FAM199X: variants seen among roughly 807,000 people sequenced by gnomAD.
FAM199X encodes the protein family with sequence similarity 199, X-linked, also known as protein FAM199X.
In FAM199X, 4 loss-of-function variants were observed where a neutral mutation model predicts 22.9. The ratio of observed to expected loss-of-function variants is 0.17; its 90% confidence interval spans 0.09 to 0.40. The LOEUF is 0.40. Among genes scored for constraint, FAM199X ranks in the 10% least tolerant of loss-of-function variants. The probability of loss-of-function intolerance (pLI) is 1.00; values close to 1 mark genes in which losing one functional copy is unlikely to be tolerated. For synonymous variants in FAM199X, 101 were observed against 112.3 expected (o/e 0.90, Z 0.64); for missense variants, 183 against 306.8 (o/e 0.60, Z 3.01).
chrX:104,185,395 A>G (rs1921774519), intron 2 of FAM199X, among the ~76,000 whole-genome samples: 1 of 111,211 alleles, frequency 9.0e-6, no homozygotes, highest in East Asian at 2.8e-4. Flanking sequence ...GGCCCTAGTC[A>G]TATTCTCATT....
chrX:104,164,229 G>A (rs1921100877), upstream of FAM199X, among the ~76,000 whole-genome samples: 1 of 111,787 alleles, frequency 8.9e-6, no homozygotes, highest in East Asian at 2.8e-4. Flanking sequence ...CTTGGCCTTC[G>A]GCTTGTAAGT....
chrX:104,186,309 A>G, intron 3 of FAM199X, 94 bp downstream of exon 3: 2 of 1,094,003 alleles, frequency 1.8e-6, no homozygotes, highest in Non-Finnish European at 2.4e-6. Context: ...GGAAATGTGG[A>G]TTGCTTAGTA....
upstream of FAM199X, among the ~76,000 whole-genome samples, chrX:104,164,387 C>G (rs1473173417): frequency 8.9e-6 from 1 of 112,215 alleles, no homozygotes; most frequent in Non-Finnish European, 1.9e-5. Flanking sequence ...TTATCTTATG[C>G]TAATTCATTG....
At chrX:104,157,890 G>A in the FAM199X span, among the ~76,000 whole-genome samples, 1 of 111,928 alleles carries the variant, frequency 8.9e-6, no homozygotes, top group South Asian at 3.7e-4. Context: ...CAGTTCTATG[G>A]ACCACGCACT....
chrX:104,179,766 A>G (rs782726575), intron 2 of FAM199X, among the ~76,000 whole-genome samples: 16 of 110,299 alleles, frequency 1.5e-4, no homozygotes, highest in African/African-American at 5.3e-4. Context: ...GTTTTTTAGT[A>G]TTTTGTTAAG....
At chrX:104,171,196 C>A (rs782584064) in intron 1 of FAM199X, among the ~76,000 whole-genome samples, 1 of 110,791 alleles carries the variant, frequency 9.0e-6, no homozygotes, top group Non-Finnish European at 1.9e-5. Context: ...TACCAAAATA[C>A]CATTGAAAGT....
upstream of FAM199X, among the ~76,000 whole-genome samples, chrX:104,165,302 T>C (rs1157775355): frequency 8.9e-6 from 1 of 112,339 alleles, no homozygotes; most frequent in African/African-American, 3.2e-5. Context: ...TTGGAGAAGC[T>C]GTTTTCACTA....
chrX:104,185,713 C>T (rs1556378927), intron 2 of FAM199X, among the ~76,000 whole-genome samples: 3 of 110,838 alleles, frequency 2.7e-5, no homozygotes, highest in South Asian at 3.9e-4. Flanking sequence ...CAGGTTCAAG[C>T]GATTCTCCTG....
chrX:104,183,047 CT>C (rs1921702858), intron 2 of FAM199X, among the ~76,000 whole-genome samples: 2 of 110,953 alleles, frequency 1.8e-5, no homozygotes. Context: ...CATTAATTAC[CT>C]TTTTTACACC....
chrX:104,188,422 G>C, intron 5 of FAM199X, 116 bp downstream of exon 5: 4 of 905,805 alleles, frequency 4.4e-6, no homozygotes, highest in Non-Finnish European at 4.7e-6. Context: ...GTGGGTTTTG[G>C]TCTTAATTGA....
intron 2 of FAM199X, among the ~76,000 whole-genome samples, chrX:104,178,041 C>T (rs1477459555): frequency 3.6e-5 from 4 of 112,080 alleles, no homozygotes; most frequent in Admixed American, 1.9e-4. Flanking sequence ...TCACCTGTTT[C>T]CTTCCCAGAC....
chrX:104,183,905 T>G (rs1921728665), intron 2 of FAM199X, among the ~76,000 whole-genome samples: 1 of 112,188 alleles, frequency 8.9e-6, no homozygotes, highest in African/African-American at 3.2e-5. Flanking sequence ...GGCCTCTCTC[T>G]TAGACAATTT....
intron 1 of FAM199X, among the ~76,000 whole-genome samples, chrX:104,174,274 C>T (rs1556375970): frequency 9.0e-6 from 1 of 111,018 alleles, no homozygotes; most frequent in Non-Finnish European, 1.9e-5. Context: ...TGCCACTGTA[C>T]TCCAGCCTCA....
intron 2 of FAM199X, among the ~76,000 whole-genome samples, chrX:104,180,515 A>G (rs993010088): frequency 9.0e-6 from 1 of 110,850 alleles, no homozygotes; most frequent in Non-Finnish European, 1.9e-5. Context: ...AGTAGTTAAG[A>G]GTGGAAAACC....
Position 104,186,497 on chromosome X carries a change from C to G in FAM199X, c.605C>G (p.Thr202Ser), listed in dbSNP as rs1556379173. 1 of 1,210,788 alleles carries G rather than the reference C, an allele frequency of 8.3e-7. No homozygotes were observed. Among genetic ancestry groups the G allele is most frequent in the South Asian group, 1.8e-5 (1 of 56,822 alleles). The change falls in exon 4 of 6, where the codon ACT becomes AGT. Residue 202 changes from threonine (T) to serine (S), a missense_variant. Coordinates refer to ENST00000493442, the MANE Select transcript of FAM199X (RefSeq NM_207318.4). ...GAGTATCTGAGTCGGAAAGTGAGTA[C>G]TGAGATGGGTCTTCGGGAGCAACTT... is the stretch of plus-strand genomic sequence containing the variant. ...YIEYLSRKVS[T>S]EMGLREQLDI...
At chrX:104,173,616 A>G (rs1921413876) in intron 1 of FAM199X, among the ~76,000 whole-genome samples, 1 of 112,325 alleles carries the variant, frequency 8.9e-6, no homozygotes, top group African/African-American at 3.2e-5. Flanking sequence ...TAGGTAAATA[A>G]CAGACTTTTC....
intron 1 of FAM199X, among the ~76,000 whole-genome samples, chrX:104,171,691 T>C (rs941380279): frequency 2.7e-5 from 3 of 112,402 alleles, no homozygotes; most frequent in African/African-American, 9.7e-5. Flanking sequence ...TCAGGATCAG[T>C]TTGTGACCTG....
intron 1 of FAM199X, among the ~76,000 whole-genome samples, chrX:104,167,398 A>G (rs1378388896): frequency 1.8e-5 from 2 of 108,975 alleles, no homozygotes; most frequent in Admixed American, 9.9e-5. Context: ...AGATCAATCC[A>G]TAGATCTTTT....
intron 2 of FAM199X, among the ~76,000 whole-genome samples, chrX:104,184,485 A>G (rs1417108446): frequency 8.9e-6 from 1 of 112,263 alleles, no homozygotes; most frequent in Admixed American, 9.4e-5. Flanking sequence ...TTTATTTAAA[A>G]TTAAATCCAT....
Sources: allele counts gnomAD v4.1 joint callset (sites outside exome capture counted in the v4.1 genomes callset), GRCh38; gene constraint gnomAD v4.1.1; transcripts MANE v1.5; gene names NCBI Gene and HGNC (gene_info 2026-07-23, HGNC 2026-07-21).